The following TENM2 variants were observed in gnomAD, a reference collection of about 807,000 sequenced individuals.
TENM2 encodes teneurin-2.
A neutral mutation model predicts 245.2 loss-of-function variants in TENM2; 52 were observed. The ratio of observed to expected loss-of-function variants is 0.21; its 90% confidence interval spans 0.17 to 0.27. The LOEUF (loss-of-function observed/expected upper bound fraction) is 0.27. Ranked by LOEUF, TENM2 falls within the 10% of genes least tolerant of loss-of-function variation. The pLI, the probability that TENM2 is intolerant of heterozygous loss-of-function variation, is 1.00. For synonymous variants in TENM2, 1,363 were observed against 1,438.9 expected (o/e 0.95, Z 1.19); for missense variants, 3,046 against 3,666.8 (o/e 0.83, Z 4.37).
chr5:168,217,109 T>TGA (rs151251233), intron 22 of TENM2, among the ~76,000 whole-genome samples, 187 bp downstream of exon 24: 44 of 149,436 alleles, frequency 2.9e-4, no homozygotes, highest in African/African-American at 9.4e-4. Context: ...CAGATAGGTA[T>TGA]GAGAGAGAGA....
chr5:167,127,563 G>T, the TENM2 span, among the ~76,000 whole-genome samples: 1 of 150,144 alleles, frequency 6.7e-6, no homozygotes, highest in Admixed American at 6.6e-5. Context: ...ACATTAAATG[G>T]GTTGAAAAGT....
At chr5:167,122,212 A>G in the TENM2 span, among the ~76,000 whole-genome samples, 51 of 152,252 alleles carry the variant, frequency 3.3e-4, 1 homozygote, top group Non-Finnish European at 4.6e-4. Flanking sequence ...TAAGGTCCCA[A>G]TTTGTGTATT....
At chr5:168,002,447 G>C (rs1442008438) in intron 5 of TENM2, among the ~76,000 whole-genome samples, 1 of 152,204 alleles carries the variant, frequency 6.6e-6, no homozygotes, top group Non-Finnish European at 1.5e-5. Context: ...TATTCCACAG[G>C]GAAGGGTCAG....
chr5:167,973,207 C>T (rs545857115), intron 4 of TENM2, among the ~76,000 whole-genome samples: 33 of 152,286 alleles, frequency 2.2e-4, no homozygotes, highest in East Asian at 2.1e-3. Context: ...GAAAATCTGG[C>T]GAGGAAGACA....
At chr5:167,103,857 T>A in the TENM2 span, among the ~76,000 whole-genome samples, 35 of 150,288 alleles carry the variant, frequency 2.3e-4, no homozygotes, top group Non-Finnish European at 4.1e-4. Flanking sequence ...AAAAAAAAAA[T>A]GAGTTTACCC....
chr5:167,014,413 C>A, the TENM2 span, among the ~76,000 whole-genome samples: 1 of 151,796 alleles, frequency 6.6e-6, no homozygotes, highest in Non-Finnish European at 1.5e-5. Context: ...TTCTTCTTTT[C>A]CTAACTATAT....
intron 25 of TENM2, among the ~76,000 whole-genome samples, chr5:168,229,168 A>G (rs562071906): frequency 6.6e-6 from 1 of 152,108 alleles, no homozygotes; most frequent in Admixed American, 6.5e-5. Flanking sequence ...AATTATTACT[A>G]TCTTCATTTT....
At chr5:167,568,671 G>GTA (rs1304303755) in intron 2 of TENM2, among the ~76,000 whole-genome samples, 1 of 151,592 alleles carries the variant, frequency 6.6e-6, no homozygotes, top group East Asian at 1.9e-4. Flanking sequence ...GTGTGTGTGT[G>GTA]TGTGTGTGTG....
At chr5:167,394,310 G>T (rs947341295) in intron 2 of TENM2, among the ~76,000 whole-genome samples, 1 of 152,210 alleles carries the variant, frequency 6.6e-6, no homozygotes, top group South Asian at 2.1e-4. Context: ...TGGTGTAAAA[G>T]ATAAGGATCC....
intron 2 of TENM2, among the ~76,000 whole-genome samples, chr5:167,870,894 G>A (rs1198886725): frequency 6.6e-6 from 1 of 151,808 alleles, no homozygotes; most frequent in East Asian, 1.9e-4. Flanking sequence ...ATATCTGCTT[G>A]CCATTAATCT....
At chr5:168,082,619 CCTTT>C (rs1373787909) in intron 7 of TENM2, among the ~76,000 whole-genome samples, 24 of 152,068 alleles carry the variant, frequency 1.6e-4, no homozygotes, top group Admixed American at 1.4e-3. Flanking sequence ...GTGTGGATGT[CCTTT>C]CTGTTTGTTA....
At chr5:168,127,634 G>A (rs1795949522) in intron 12 of TENM2, among the ~76,000 whole-genome samples, 1 of 152,134 alleles carries the variant, frequency 6.6e-6, no homozygotes. Flanking sequence ...GTTTAGGGTA[G>A]GACTATACTG....
intron 4 of TENM2, among the ~76,000 whole-genome samples, chr5:167,954,408 G>A (rs181616315): frequency 6.8e-4 from 103 of 152,182 alleles, no homozygotes; most frequent in Admixed American, 1.6e-3. Context: ...TGCATGTTTG[G>A]TTCAAACATT....
At chr5:167,953,721 A>G (rs1780303719) in intron 4 of TENM2, among the ~76,000 whole-genome samples, 2 of 152,230 alleles carry the variant, frequency 1.3e-5, no homozygotes, top group South Asian at 2.1e-4. Flanking sequence ...GACCCTTCAT[A>G]AAGTTCCCAA....
intron 2 of TENM2, among the ~76,000 whole-genome samples, chr5:167,803,875 G>C (rs1172633636): frequency 1.3e-5 from 2 of 152,016 alleles, no homozygotes; most frequent in Non-Finnish European, 2.9e-5. Context: ...GCTTGCCCTA[G>C]CTCCTGCCCA....
intron 5 of TENM2, among the ~76,000 whole-genome samples, chr5:168,035,255 C>T (rs1787557471): frequency 6.6e-6 from 1 of 152,178 alleles, no homozygotes; most frequent in South Asian, 2.1e-4. Context: ...CGCCTGTAAT[C>T]CCAGTACTGT....
intron 25 of TENM2, among the ~76,000 whole-genome samples, chr5:168,234,955 TATGAC>T (rs1447255139): frequency 6.6e-6 from 1 of 152,218 alleles, no homozygotes; most frequent in Non-Finnish European, 1.5e-5. Context: ...ATATAATTAA[TATGAC>T]ATTGCAATTA....
At chr5:168,083,361 T>G (rs1291929692) in intron 7 of TENM2, among the ~76,000 whole-genome samples, 2 of 152,220 alleles carry the variant, frequency 1.3e-5, no homozygotes, top group Non-Finnish European at 2.9e-5. Context: ...ATGGCTTCCC[T>G]TGGCTAGGAA....
Position 168,118,631 on chromosome 5 carries a change from T to C in TENM2, c.2008+145T>C, listed in dbSNP as rs917841153. The C allele has an allele frequency of 1.3e-5, 7 of 551,322 alleles. No individual in the cohort carries two copies. The Admixed American group carries it at 2.3e-4, about 18-fold the overall frequency. 34.2% of individuals were successfully genotyped at this position (551,322 alleles called of 1,614,324 possible). A position where few individuals can be genotyped will look rare whatever the true frequency, so the allele number is the denominator to read the frequency against. ...ACAAAACAACTTCAAACTCCTTTGC[T>C]TTGATAAATTTCTTTGGTTGTAGAA... On this transcript the variant is annotated intron_variant, in intron 10 of 28. Transcript: ENST00000518659.
Sources: gnomAD v4.1 joint callset for allele counts (sites outside exome capture counted in the v4.1 genomes callset) on GRCh38, gnomAD v4.1.1 for gene constraint, MANE v1.5 for transcripts, NCBI Gene and HGNC (gene_info 2026-07-23, HGNC 2026-07-21) for gene names.